Variants in RYR2 observed in about 807,000 individuals in gnomAD.
The protein encoded by RYR2 is ryanodine receptor 2.
In RYR2, 227 loss-of-function variants were observed where a neutral mutation model predicts 601.1. The observed-to-expected ratio is 0.38, with a 90% CI of 0.34 to 0.42. RYR2 has a LOEUF of 0.42. Ranked by LOEUF, RYR2 falls within the 10% of genes least tolerant of loss-of-function variation. The pLI is 1.00. For synonymous variants in RYR2, 2,223 were observed against 2,175.1 expected (o/e 1.02, Z -0.61); for missense variants, 4,646 against 6,156.5 (o/e 0.75, Z 8.21).
rs183792480 is a variant in RYR2, at chr1:237,489,547, C to T, written c.1709-2259C>T. On this transcript the variant is annotated intron_variant, in intron 17 of 104. Transcript: ENST00000366574. ...CGGTGGGTGCCCATAATCCCAGCTA[C>T]TCCAGAGGCTGAGGCAGGAGAGTTG... is the stretch of plus-strand genomic sequence containing the variant. Among the ~76,000 whole-genome samples, 25 of 152,316 alleles carry T rather than the reference C, an allele frequency of 1.6e-4. No homozygotes were observed. In the East Asian group the frequency reaches 4.6e-3, roughly 28 times the overall value.
chr1:237,359,836 T>C (rs946025334), intron 4 of RYR2, among the ~76,000 whole-genome samples: 2 of 152,204 alleles, frequency 1.3e-5, no homozygotes, highest in Non-Finnish European at 2.9e-5. Flanking sequence ...CTAATGGTCA[T>C]TTCCATCTAC....
At chr1:237,394,998 A>C (rs764440356) in intron 10 of RYR2, among the ~76,000 whole-genome samples, 1 of 152,158 alleles carries the variant, frequency 6.6e-6, no homozygotes, top group Non-Finnish European at 1.5e-5. Context: ...TAACAACCAG[A>C]TCTCGTGAGA....
In RYR2 at chr1:237,660,867, G is replaced by A. The variant is rs933570391; in HGVS notation, c.8356G>A (p.Gly2786Ser). The change falls in exon 56 of 105, where the codon GGC becomes AGC. Residue 2786 changes from glycine (G) to serine (S), a missense_variant. Coordinates refer to ENST00000366574, the MANE Select transcript of RYR2 (RefSeq NM_001035.3). ...ATCTTTAAAAACTATGCTGGCTTGG[G>A]GCTGGAGAATTGAAAGAACTCGGGA... ...KESLKTMLAW[G>S]WRIERTREGD... The A allele has an allele frequency of 2.6e-6, 4 of 1,544,988 alleles. No homozygotes were observed. The highest frequency in any genetic ancestry group is 3.5e-6 in the Non-Finnish European group (4 of 1,143,010).
chr1:237,779,556 G>A (rs1005064201), intron 88 of RYR2, among the ~76,000 whole-genome samples: 13 of 152,278 alleles, frequency 8.5e-5, no homozygotes, highest in African/African-American at 2.9e-4. Context: ...TGTTCCACCC[G>A]TGTGGGCCAG....
At chr1:237,798,775 G>GTC (rs1304433670) in intron 97 of RYR2, among the ~76,000 whole-genome samples, 5 of 81,192 alleles carry the variant, frequency 6.2e-5, no homozygotes, top group East Asian at 5.1e-4. Flanking sequence ...GAATTTAAAT[G>GTC]TCACACACAC....
chr1:237,219,300 G>A (rs1683530779), intron 1 of RYR2, among the ~76,000 whole-genome samples: 1 of 152,144 alleles, frequency 6.6e-6, no homozygotes, highest in African/African-American at 2.4e-5. Context: ...TTACAGGCAT[G>A]AGCCACTGCA....
intron 24 of RYR2, among the ~76,000 whole-genome samples, chr1:237,516,438 T>C (rs1192997762): frequency 6.6e-6 from 1 of 152,134 alleles, no homozygotes; most frequent in African/African-American, 2.4e-5. Context: ...AAGTTCTAAA[T>C]GTTGTGAATC....
At chr1:237,591,587 G>C (rs551633015) in intron 31 of RYR2, among the ~76,000 whole-genome samples, 152 bp from the exon 32 acceptor site, 6 of 152,128 alleles carry the variant, frequency 3.9e-5, no homozygotes, top group Non-Finnish European at 8.8e-5. Context: ...CAAACTGTGA[G>C]AACCAAAAAC....
At chr1:237,501,778 A>G (rs1272968844) in intron 21 of RYR2, among the ~76,000 whole-genome samples, 1 of 152,180 alleles carries the variant, frequency 6.6e-6, no homozygotes, top group Non-Finnish European at 1.5e-5. Context: ...ATGTTTTAAC[A>G]TTTTTATTTT....
chr1:237,337,207 G>T (rs1180525841), intron 3 of RYR2, among the ~76,000 whole-genome samples: 1 of 147,796 alleles, frequency 6.8e-6, no homozygotes, highest in East Asian at 2.0e-4. Flanking sequence ...AGCCCAGATC[G>T]TGCCACTGCA....
chr1:237,270,361 GT>G (rs760601492), intron 1 of RYR2, 135 bp from the exon 2 acceptor site: 5 of 1,279,080 alleles, frequency 3.9e-6, no homozygotes, highest in Admixed American at 2.0e-5. Flanking sequence ...TCTTTTGGTT[GT>G]TTTTTTGACA....
At chr1:237,241,570 T>C (rs1197076668) in intron 1 of RYR2, among the ~76,000 whole-genome samples, 1 of 151,928 alleles carries the variant, frequency 6.6e-6, no homozygotes, top group Non-Finnish European at 1.5e-5. Flanking sequence ...GATAACAGAG[T>C]AAAGAGAAAG....
chr1:237,077,674 A>G (rs1407247376), intron 1 of RYR2, among the ~76,000 whole-genome samples: 2 of 148,494 alleles, frequency 1.3e-5, no homozygotes, highest in Non-Finnish European at 3.0e-5. Context: ...CACATTAATA[A>G]TGGGAGACTT....
intron 12 of RYR2, among the ~76,000 whole-genome samples, chr1:237,424,568 A>T (rs961053611): frequency 2.6e-5 from 4 of 152,218 alleles, no homozygotes; most frequent in Admixed American, 6.5e-5. Flanking sequence ...GATTTGGCTT[A>T]GTAGAACTAC....
At chr1:237,557,681 A>G (rs1408177320) in intron 27 of RYR2, among the ~76,000 whole-genome samples, 1 of 151,832 alleles carries the variant, frequency 6.6e-6, no homozygotes, top group Non-Finnish European at 1.5e-5. Flanking sequence ...ATAGATGAGG[A>G]GTGTTGGAGA....
At chr1:237,458,620 A>G (rs558474133) in intron 16 of RYR2, among the ~76,000 whole-genome samples, 2 of 152,230 alleles carry the variant, frequency 1.3e-5, no homozygotes, top group East Asian at 1.9e-4. Context: ...TGTATCTGCT[A>G]TTTAACTGAA....
chr1:237,244,258 A>G (rs754116343), intron 1 of RYR2, among the ~76,000 whole-genome samples: 1 of 152,238 alleles, frequency 6.6e-6, no homozygotes, highest in Non-Finnish European at 1.5e-5. Context: ...AAAATAAATC[A>G]TCTTTCCACA....
intron 2 of RYR2, among the ~76,000 whole-genome samples, chr1:237,291,496 G>C (rs925389327): frequency 6.6e-6 from 1 of 152,156 alleles, no homozygotes; most frequent in Non-Finnish European, 1.5e-5. Flanking sequence ...GATGTTTATA[G>C]AACCTTGTTT....
At position 237,797,535 on chromosome 1, in the gene RYR2, GC is replaced by G. The variant is rs1312449767; in HGVS notation, c.13957-501del. Among the ~76,000 whole-genome samples, 3 of 152,332 alleles carry G rather than the reference GC, an allele frequency of 2.0e-5. No individual in the cohort carries two copies. In the South Asian group the frequency reaches 6.2e-4, roughly 32 times the overall value. The stretch of plus-strand genomic sequence containing the variant: ...CAGAGGTCTATGCAGAAGATCATTG[GC>G]TGGGGAGTCAGGCATGGCCTGGTTG... On this transcript the variant is annotated intron_variant, in intron 96 of 104. Coordinates refer to ENST00000366574, the MANE Select transcript of RYR2 (RefSeq NM_001035.3).
Sources: allele counts gnomAD v4.1 joint callset (sites outside exome capture counted in the v4.1 genomes callset), GRCh38; gene constraint gnomAD v4.1.1; transcripts MANE v1.5; gene names NCBI Gene and HGNC (gene_info 2026-07-23, HGNC 2026-07-21).